The following VSNL1 variants were observed in gnomAD, a reference collection of about 807,000 sequenced individuals.
The protein encoded by VSNL1 is visinin like 1.
Under a neutral mutation model 20.4 loss-of-function variants are expected in VSNL1, and 6 were observed. The observed-to-expected ratio is 0.29, with a 90% CI of 0.16 to 0.58. The LOEUF is 0.58. VSNL1 is among the 20% of genes least tolerant of loss of function. The probability of loss-of-function intolerance (pLI) is 0.90; values close to 1 mark genes in which losing one functional copy is unlikely to be tolerated. For synonymous variants in VSNL1, 93 were observed against 86.4 expected (o/e 1.08, Z -0.42); for missense variants, 100 against 234.5 (o/e 0.43, Z 3.75).
chr2:17,605,498 C>G (rs912739359), intron 2 of VSNL1, among the ~76,000 whole-genome samples: 1 of 152,202 alleles, frequency 6.6e-6, no homozygotes, highest in Non-Finnish European at 1.5e-5. Context: ...GAGGAGGAAA[C>G]CTTCTGCTCC....
chr2:17,654,577 G>A (rs1666186359), intron 3 of VSNL1, among the ~76,000 whole-genome samples: 1 of 151,984 alleles, frequency 6.6e-6, no homozygotes, highest in Admixed American at 6.6e-5. Flanking sequence ...TCTCACCATT[G>A]AGCCACCCTT....
intron 1 of VSNL1, among the ~76,000 whole-genome samples, chr2:17,588,915 T>C (rs1343190662): frequency 6.6e-6 from 1 of 152,190 alleles, no homozygotes; most frequent in African/African-American, 2.4e-5. Context: ...GAAATATTAT[T>C]TGAGCACCTA....
At position 17,655,544 on chromosome 2, in the gene VSNL1, T is replaced by G; in HGVS notation, c.*150T>G. ...CTATAAATGGACTTGCTTCTTGTGT[T>G]TGAAACACTCGTGTGCATGAGAATG... On this transcript the variant is annotated 3_prime_UTR_variant, in exon 4 of 4. Transcript: ENST00000295156. The surrounding 1 kb of genome is among the most constrained non-coding windows in gnomAD (Gnocchi z 5.2). 1 of 720,468 alleles carries G rather than the reference T, an allele frequency of 1.4e-6. No homozygotes were observed. The highest frequency in any genetic ancestry group is 2.2e-6 in the Non-Finnish European group (1 of 449,716). 44.6% of individuals were successfully genotyped at this position (720,468 alleles called of 1,614,324 possible).
At chr2:17,640,109 G>A (rs1665849574) in intron 2 of VSNL1, among the ~76,000 whole-genome samples, 1 of 152,104 alleles carries the variant, frequency 6.6e-6, no homozygotes, top group Non-Finnish European at 1.5e-5. Context: ...AATTAGCTGG[G>A]CGCAGTGGCA....
At chr2:17,602,769 A>T (rs1329938735) in intron 2 of VSNL1, among the ~76,000 whole-genome samples, 5 of 90,014 alleles carry the variant, frequency 5.6e-5, no homozygotes, top group African/African-American at 1.4e-4. Flanking sequence ...AAAATAAAAT[A>T]AAAAAATAAA....
intron 2 of VSNL1, among the ~76,000 whole-genome samples, chr2:17,617,067 C>G (rs963768021): frequency 6.6e-6 from 1 of 152,196 alleles, no homozygotes; most frequent in Admixed American, 6.5e-5. Flanking sequence ...GTTCCTTAGT[C>G]TAAATTTATG....
intron 1 of VSNL1, among the ~76,000 whole-genome samples, chr2:17,579,637 T>A (rs1664303418): frequency 6.6e-6 from 1 of 152,158 alleles, no homozygotes; most frequent in African/African-American, 2.4e-5. Context: ...TTTGCAAAGG[T>A]CACACAGGAA....
chr2:17,601,274 T>G (rs944676992), intron 2 of VSNL1, among the ~76,000 whole-genome samples: 2 of 152,196 alleles, frequency 1.3e-5, no homozygotes, highest in Non-Finnish European at 2.9e-5. Context: ...TAGAAGGATG[T>G]GCTGTCCCGT....
chr2:17,618,300 C>A (rs552693461), intron 2 of VSNL1, among the ~76,000 whole-genome samples: 1 of 152,286 alleles, frequency 6.6e-6, no homozygotes, highest in Admixed American at 6.5e-5. Context: ...GGAGAGAATC[C>A]ATTCCCTTAC....
chr2:17,655,444 T>C lies in VSNL1; in HGVS notation c.*50T>C. The C allele has an allele frequency of 7.3e-7, 1 of 1,369,770 alleles. No homozygotes were observed. The highest frequency in any genetic ancestry group is 1.0e-6 in the Non-Finnish European group (1 of 986,430). 84.9% of individuals were successfully genotyped at this position (1,369,770 alleles called of 1,614,324 possible). On this transcript the variant is annotated 3_prime_UTR_variant, in exon 4 of 4. Coordinates refer to ENST00000295156, the MANE Select transcript of VSNL1 (RefSeq NM_003385.5). The surrounding 1 kb of genome is among the most constrained non-coding windows in gnomAD (Gnocchi z 5.2). ...ACAAAAGTCTCAATGTTCCATTCAGTCTGCAGCTATTCACACACACACACA... is the reference window on the plus strand; with the variant it reads ...ACAAAAGTCTCAATGTTCCATTCAGCCTGCAGCTATTCACACACACACACA...
intron 2 of VSNL1, among the ~76,000 whole-genome samples, chr2:17,644,893 T>C (rs1468963330): frequency 6.6e-6 from 1 of 152,210 alleles, no homozygotes; most frequent in Non-Finnish European, 1.5e-5. Context: ...GCAACTGTAT[T>C]TCAGGGTGAT....
intron 2 of VSNL1, among the ~76,000 whole-genome samples, chr2:17,610,863 G>A (rs1665068516): frequency 6.6e-6 from 1 of 152,212 alleles, no homozygotes; most frequent in Non-Finnish European, 1.5e-5. Context: ...CTTTGATCCA[G>A]TAGTGCCAGG....
intron 2 of VSNL1, among the ~76,000 whole-genome samples, chr2:17,604,734 A>G (rs1216189062): frequency 6.6e-6 from 1 of 152,236 alleles, no homozygotes; most frequent in African/African-American, 2.4e-5. Flanking sequence ...GAAAGCAAAG[A>G]CAAATGGGTT....
Position 17,582,262 on chromosome 2 carries a change from G to C in VSNL1, c.-5-9808G>C, listed in dbSNP as rs531144203. ...AGGAAGGTGGGAGGCTGGAGGGAAA[G>C]TGTAGGCCCAAGTGAGCAGGTCTGG... On this transcript the variant is annotated intron_variant, in intron 1 of 3. Transcript: ENST00000295156. Among the ~76,000 whole-genome samples the C allele has an allele frequency of 5.3e-5, 8 of 152,280 alleles. No individual in the cohort carries two copies. In the South Asian group the frequency reaches 1.5e-3, roughly 28 times the overall value.
chr2:17,554,053 G>C (rs1277971706), intron 1 of VSNL1, among the ~76,000 whole-genome samples: 1 of 152,098 alleles, frequency 6.6e-6, no homozygotes, highest in Admixed American at 6.5e-5. Context: ...TAGAACAATG[G>C]GTAGATGAAT....
At chr2:17,636,506 T>C (rs1439036208) in intron 2 of VSNL1, among the ~76,000 whole-genome samples, 2 of 152,228 alleles carry the variant, frequency 1.3e-5, no homozygotes, top group Admixed American at 6.5e-5. Context: ...TTCAGTATGG[T>C]AGCCACGGGC....
At chr2:17,598,025 A>G (rs551954790) in intron 2 of VSNL1, among the ~76,000 whole-genome samples, 1 of 152,342 alleles carries the variant, frequency 6.6e-6, no homozygotes, top group Non-Finnish European at 1.5e-5. Context: ...CAAAATAAGA[A>G]TAAATGTTAT....
intron 2 of VSNL1, among the ~76,000 whole-genome samples, chr2:17,626,947 C>T (rs1167255156): frequency 6.6e-6 from 1 of 152,228 alleles, no homozygotes; most frequent in African/African-American, 2.4e-5. Context: ...TGCACAGACT[C>T]TGGGTGGGGT....
chr2:17,578,303 G>A (rs750902978), intron 1 of VSNL1, among the ~76,000 whole-genome samples: 54 of 152,152 alleles, frequency 3.5e-4, no homozygotes, highest in Middle Eastern at 3.2e-3. Flanking sequence ...CTGATAACTG[G>A]CTCTTTGGAT....
Sources: gnomAD v4.1 joint callset for allele counts (sites outside exome capture counted in the v4.1 genomes callset) on GRCh38, gnomAD v4.1.1 for gene constraint, Gnocchi (gnomAD v3.1) non-coding constraint, MANE v1.5 for transcripts, NCBI Gene and HGNC (gene_info 2026-07-23, HGNC 2026-07-21) for gene names.